CPEB3: variants seen among roughly 807,000 people sequenced by gnomAD.
CPEB3 encodes cytoplasmic polyadenylation element-binding protein 3.
In CPEB3, 20 loss-of-function variants were observed where a neutral mutation model predicts 67.2. The ratio of observed to expected loss-of-function variants is 0.30; its 90% CI spans 0.21 to 0.43. CPEB3 has a LOEUF of 0.43. Among genes scored for constraint, CPEB3 ranks in the 20% least tolerant of loss-of-function variants. CPEB3 has a pLI of 1.00. For missense variants in CPEB3, 746 were observed against 968.6 expected (o/e 0.77, Z 3.05); for synonymous variants, 376 against 393.1 (o/e 0.96, Z 0.51).
intron 7 of CPEB3, among the ~76,000 whole-genome samples, chr10:92,099,214 T>G (rs7907888): frequency 0.088 from 11,365 of 129,840 alleles, 1,428 homozygotes; most frequent in African/African-American, 0.32. Flanking sequence ...GCAATATGGG[T>G]CTTTTCGTCT....
At chr10:92,228,716 A>G (rs1162077707) in intron 2 of CPEB3, among the ~76,000 whole-genome samples, 1 of 148,508 alleles carries the variant, frequency 6.7e-6, no homozygotes, top group Non-Finnish European at 1.5e-5. Flanking sequence ...ATATATATAT[A>G]CATTTTTTTT....
chr10:92,192,653 A>T lies in CPEB3; in HGVS notation c.1006-17T>A. ...ACTCCGGTCCTAAGAATAAAAACAA[A>T]AACAAGACAATACATAAAATTACTT... On this transcript the variant is annotated splice_polypyrimidine_tract_variant and intron_variant, in intron 2 of 9. Transcript: ENST00000265997. 6.4e-7 allele frequency: 1 copy of T among 1,560,184 alleles called. No individual in the cohort carries two copies. Among genetic ancestry groups the T allele is most frequent in the South Asian group, 1.2e-5 (1 of 82,480 alleles).
intron 1 of CPEB3, among the ~76,000 whole-genome samples, chr10:92,271,331 G>A (rs192347141): frequency 6.6e-6 from 1 of 152,178 alleles, no homozygotes; most frequent in East Asian, 1.9e-4. Context: ...TCAAAATCAG[G>A]AAATTAAAAT....
intron 3 of CPEB3, among the ~76,000 whole-genome samples, chr10:92,190,048 G>A (rs1282602221): frequency 6.6e-6 from 1 of 152,022 alleles, no homozygotes; most frequent in Non-Finnish European, 1.5e-5. Flanking sequence ...GGAGGCCAAG[G>A]CGGGCAATCA....
intron 5 of CPEB3, among the ~76,000 whole-genome samples, chr10:92,144,708 C>T (rs954183747): frequency 6.6e-6 from 1 of 152,186 alleles, no homozygotes; most frequent in East Asian, 1.9e-4. Context: ...GTTTCCTTAT[C>T]TATAAAATGG....
chr10:92,079,646 T>C (rs1023885203), intron 9 of CPEB3, among the ~76,000 whole-genome samples: 1 of 152,230 alleles, frequency 6.6e-6, no homozygotes, highest in Non-Finnish European at 1.5e-5. Context: ...TTCTAAGCCC[T>C]GGCTCTTGTA....
In CPEB3 at chr10:92,122,913, T is replaced by TA. The variant is rs573493113; in HGVS notation, c.1454-11720dup. Among the ~76,000 whole-genome samples the TA allele has an allele frequency of 1.8e-4, 27 of 152,370 alleles. No homozygotes were observed. In the East Asian group the frequency reaches 4.2e-3, roughly 24 times the overall value. Reference sequence around the variant, plus strand: ...GATACTGCCTAAGTGCACGGATTCCTAAACACTCTGCTTAGATTCAGAACT... The same window carrying TA: ...GATACTGCCTAAGTGCACGGATTCCTAAAACACTCTGCTTAGATTCAGAACT... On this transcript the variant is annotated intron_variant, in intron 6 of 9. Coordinates refer to ENST00000265997, the MANE Select transcript of CPEB3 (RefSeq NM_014912.5).
chr10:92,203,752 ACTTCAG>A (rs1354043614), intron 2 of CPEB3, among the ~76,000 whole-genome samples: 1 of 151,938 alleles, frequency 6.6e-6, no homozygotes, highest in Non-Finnish European at 1.5e-5. Context: ...CAAAGTCTTG[ACTTCAG>A]CTGCTCCACT....
chr10:92,216,449 T>C, intron 2 of CPEB3: 1 of 1,612,806 alleles, frequency 6.2e-7, no homozygotes, highest in Non-Finnish European at 8.5e-7. Context: ...GCTCCTGGCT[T>C]CTCGCCGCCT....
chr10:92,239,796 C>T lies in CPEB3; in HGVS notation c.555G>A (p.Gln185=). The change falls in exon 2 of 10, where the codon CAG becomes CAA. Residue 185 remains glutamine (Q), a synonymous_variant. Transcript: ENST00000265997. This position sits in a 1 kb window ranked among gnomAD's most constrained non-coding sequence, Gnocchi z 6.0. ...CGGGTGAGCGGCGCTGCTGCGGGGG[C>T]TGCGCCTGTGGTGGCTGCGCTGGCT... ...PAQPAQPPQA[Q]PPQQRRSPAS... 1 of 1,413,166 alleles carries T rather than the reference C, an allele frequency of 7.1e-7. No individual in the cohort carries two copies. The highest frequency in any genetic ancestry group is 9.2e-7 in the Non-Finnish European group (1 of 1,090,164). 87.5% of individuals were successfully genotyped at this position (1,413,166 alleles called of 1,614,324 possible).
intron 1 of CPEB3, among the ~76,000 whole-genome samples, chr10:92,241,884 A>G (rs1420693803): frequency 6.6e-6 from 1 of 152,234 alleles, no homozygotes; most frequent in Non-Finnish European, 1.5e-5. Context: ...ATTGCAACAA[A>G]GTTATTAATA....
chr10:92,125,843 C>G (rs951774342), intron 6 of CPEB3, among the ~76,000 whole-genome samples: 3 of 152,100 alleles, frequency 2.0e-5, no homozygotes, highest in African/African-American at 7.2e-5. Flanking sequence ...CCCACCGCAG[C>G]CTCCCAAGTA....
At chr10:92,234,436 C>CT (rs1851428670) in intron 2 of CPEB3, among the ~76,000 whole-genome samples, 1 of 152,168 alleles carries the variant, frequency 6.6e-6, no homozygotes, top group African/African-American at 2.4e-5. Context: ...AAAAACACAG[C>CT]TTCCAGGGTA....
intron 3 of CPEB3, among the ~76,000 whole-genome samples, chr10:92,181,467 T>C (rs756925208): frequency 1.4e-5 from 2 of 146,834 alleles, no homozygotes; most frequent in Non-Finnish European, 3.0e-5. Flanking sequence ...AAAAATGCAA[T>C]ATAATAATCA....
intron 3 of CPEB3, among the ~76,000 whole-genome samples, chr10:92,182,628 C>T (rs1848508100): frequency 6.6e-6 from 1 of 152,088 alleles, no homozygotes; most frequent in Non-Finnish European, 1.5e-5. Flanking sequence ...GAGTTAGAGA[C>T]CAGCCTGGCC....
At chr10:92,066,410 GATAA>G (rs1370451148) in intron 9 of CPEB3, among the ~76,000 whole-genome samples, 2 of 152,162 alleles carry the variant, frequency 1.3e-5, no homozygotes, top group East Asian at 1.9e-4. Flanking sequence ...CAGATAGATA[GATAA>G]ATAAATAAGT....
At chr10:92,114,028 G>A (rs1844878835) in intron 6 of CPEB3, among the ~76,000 whole-genome samples, 1 of 151,940 alleles carries the variant, frequency 6.6e-6, no homozygotes, top group Admixed American at 6.6e-5. Context: ...TTACTCTGAG[G>A]TCACCAAGCT....
intron 6 of CPEB3, among the ~76,000 whole-genome samples, chr10:92,126,793 C>T (rs1046388798): frequency 1.3e-5 from 2 of 152,180 alleles, no homozygotes; most frequent in Admixed American, 1.3e-4. Context: ...GTCTGTCTAA[C>T]AAAAGCTGTG....
At chr10:92,283,024 G>A (rs1456816493) in intron 1 of CPEB3, among the ~76,000 whole-genome samples, 1 of 152,204 alleles carries the variant, frequency 6.6e-6, no homozygotes, top group Non-Finnish European at 1.5e-5. Flanking sequence ...GCCAAGGCAG[G>A]TGGATCACTT....
Sources: allele counts gnomAD v4.1 joint callset (sites outside exome capture counted in the v4.1 genomes callset), GRCh38; gene constraint gnomAD v4.1.1; non-coding constraint Gnocchi (gnomAD v3.1); transcripts MANE v1.5; gene names NCBI Gene and HGNC (gene_info 2026-07-23, HGNC 2026-07-21).